MDH1B: variants seen among roughly 807,000 people sequenced by gnomAD.
MDH1B encodes malate dehydrogenase 1B, also known as putative malate dehydrogenase 1B.
MDH1B carries 60 observed loss-of-function variants against 61.4 expected under a neutral mutation model. The ratio of observed to expected loss-of-function variants is 0.98; its 90% CI spans 0.79 to 1.21. MDH1B has a LOEUF of 1.21. Among genes scored for constraint, MDH1B ranks in the 50% most tolerant of loss-of-function variants. The pLI, the probability that MDH1B is intolerant of heterozygous loss-of-function variation, is 0.00. For missense variants in MDH1B, 587 were observed against 632.1 expected (o/e 0.93, Z 0.76); for synonymous variants, 236 against 218.7 (o/e 1.08, Z -0.70).
Position 206,738,254 on chromosome 2 carries a change from T to C in MDH1B, c.*229A>G. 1 of 377,460 alleles carries C rather than the reference T, an allele frequency of 2.6e-6. No individual in the cohort carries two copies. The highest frequency in any genetic ancestry group is 9.3e-5 in the South Asian group (1 of 10,742). The allele number at this position is 377,460 out of a possible 1,614,324, so 23.4% of individuals were successfully genotyped here. Reference sequence around the variant, plus strand: ...AAATAGCATTTGACACCAAAATAGTTCTAAGAAAATGCAATTATTATGAAA... The same window carrying C: ...AAATAGCATTTGACACCAAAATAGTCCTAAGAAAATGCAATTATTATGAAA... On this transcript the variant is annotated 3_prime_UTR_variant, in exon 12 of 12. Coordinates refer to ENST00000374412, the MANE Select transcript of MDH1B (RefSeq NM_001039845.3).
intron 9 of MDH1B, among the ~76,000 whole-genome samples, chr2:206,742,436 T>C (rs1429485281): frequency 6.6e-6 from 1 of 152,182 alleles, no homozygotes; most frequent in Non-Finnish European, 1.5e-5. Flanking sequence ...CCATACCCAG[T>C]AGTGGCAACA....
intron 2 of MDH1B, among the ~76,000 whole-genome samples, chr2:206,759,926 A>G (rs1330996114): frequency 1.3e-5 from 2 of 152,214 alleles, no homozygotes; most frequent in Admixed American, 6.5e-5. Flanking sequence ...GGTAGAGAAG[A>G]GAGGGAGAGA....
chr2:206,757,244 T>C lies in MDH1B; in HGVS notation c.263A>G (p.His88Arg), dbSNP rs758859297. 2.9e-5 allele frequency: 47 copies of C among 1,613,040 alleles called. No individual in the cohort carries two copies. The highest frequency in any genetic ancestry group is 4.0e-5 in the Non-Finnish European group (47 of 1,179,582). ...ATAAGTTAACTTATATACCTGAGCATGCTCCAGGAACTCATTATATCCTCC... is the reference window on the plus strand; with the variant it reads ...ATAAGTTAACTTATATACCTGAGCACGCTCCAGGAACTCATTATATCCTCC... ...LLGGYNEFLE[H>R]AQLYYDVTSS... Residue 88 changes from histidine to arginine, a missense_variant, in exon 3 of 12, where the codon CAT (histidine) becomes CGT (arginine). His to Arg is a conservative substitution (Grantham distance 29, BLOSUM62 0). Coordinates refer to ENST00000374412, the MANE Select transcript of MDH1B (RefSeq NM_001039845.3).
chr2:206,758,914 T>C (rs1421325105), intron 2 of MDH1B, among the ~76,000 whole-genome samples: 1 of 151,506 alleles, frequency 6.6e-6, no homozygotes, highest in East Asian at 1.9e-4. Context: ...GGGGTCCTGG[T>C]GTCACTGAGG....
Position 206,749,169 on chromosome 2 carries a change from C to A in MDH1B, c.1067G>T (p.Arg356Ile), listed in dbSNP as rs1347394619. Residue 356 changes from arginine (R) to isoleucine (I), a missense_variant, in exon 7 of 12, where the codon AGA (arginine) becomes ATA (isoleucine). Arg to Ile is a moderately conservative substitution (Grantham distance 97). Coordinates refer to ENST00000374412, the MANE Select transcript of MDH1B (RefSeq NM_001039845.3). ...GTTTTTAAGAATTGCCACAAATTCT[C>A]TTTTTACCCACTCACTGTAAGGAGA... is the stretch of plus-strand genomic sequence containing the variant. ...NLIFDSEWVK[R>I]EFVAILKNLT... 1 of 1,614,024 alleles carries A rather than the reference C, an allele frequency of 6.2e-7. No homozygotes were observed. The highest frequency in any genetic ancestry group is 1.1e-5 in the South Asian group (1 of 91,062).
chr2:206,738,649 C>T (rs193070096), intron 11 of MDH1B, 138 bp from the exon 12 acceptor site: 1 of 549,044 alleles, frequency 1.8e-6, no homozygotes, highest in Non-Finnish European at 3.2e-6. Context: ...GAGAGTGATT[C>T]TATGGGGAAA....
At chr2:206,738,645 G>T in intron 11 of MDH1B, 134 bp from the exon 12 acceptor site, 2 of 549,102 alleles carry the variant, frequency 3.6e-6, no homozygotes, top group Non-Finnish European at 3.2e-6. Context: ...GTGTGAGAGT[G>T]ATTCTATGGG....
intron 8 of MDH1B, 75 bp downstream of exon 8, chr2:206,746,212 T>A: frequency 7.7e-7 from 1 of 1,300,712 alleles, no homozygotes; most frequent in Non-Finnish European, 1.0e-6. Context: ...GAAAAACCAA[T>A]GTATGCCTTG....
At chr2:206,763,206 G>T (rs760865022) in intron 1 of MDH1B, among the ~76,000 whole-genome samples, 2 of 148,806 alleles carry the variant, frequency 1.3e-5, no homozygotes, top group Non-Finnish European at 3.0e-5. Flanking sequence ...TCTAAGAGTA[G>T]TAAGAGTATC....
Position 206,755,545 on chromosome 2 carries a change from C to A in MDH1B, c.414-40G>T, listed in dbSNP as rs778400206. The A allele has an allele frequency of 8.9e-6, 14 of 1,566,164 alleles. No homozygotes were observed. The South Asian group carries it at 1.7e-4, about 19-fold the overall frequency. ...AAGCCGCATTGTGAATAGTTATATC[C>A]TTTGTCCCTTTTAAGCCTTTATTCT... is the stretch of plus-strand genomic sequence containing the variant. On this transcript the variant is annotated intron_variant, in intron 4 of 11. Transcript: ENST00000374412.
At chr2:206,741,135 A>G (rs1377511714) in intron 9 of MDH1B, 31 bp from the exon 10 acceptor site, 2 of 1,611,580 alleles carry the variant, frequency 1.2e-6, no homozygotes, top group Non-Finnish European at 1.7e-6. Context: ...AACATGCTGG[A>G]TTTAGAATAT....
intron 2 of MDH1B, among the ~76,000 whole-genome samples, chr2:206,760,412 C>A (rs1689021785): frequency 6.6e-6 from 1 of 152,098 alleles, no homozygotes; most frequent in Non-Finnish European, 1.5e-5. Flanking sequence ...TCCGCTGAGC[C>A]CTCTGTTGCA....
chr2:206,755,925 T>G (rs1047768377), intron 4 of MDH1B, among the ~76,000 whole-genome samples: 2 of 152,170 alleles, frequency 1.3e-5, no homozygotes, highest in Non-Finnish European at 2.9e-5. Context: ...CTTTTTTTTT[T>G]TTTTTGGAAA....
At chr2:206,756,751 G>A (rs1414580591) in intron 4 of MDH1B, 147 bp downstream of exon 4, 5 of 704,350 alleles carry the variant, frequency 7.1e-6, no homozygotes, top group Admixed American at 5.6e-5. Context: ...AGATGCATAT[G>A]TATATGTGTA....
chr2:206,754,094 T>C (rs1476742070), intron 5 of MDH1B, among the ~76,000 whole-genome samples: 2 of 152,230 alleles, frequency 1.3e-5, no homozygotes, highest in Admixed American at 6.5e-5. Context: ...TAAAGATATG[T>C]ATGCAAGAAT....
rs778675037 is a variant in MDH1B, at chr2:206,755,166, GAC to G, written c.751_752del (p.Val251GlnfsTer38). The G allele has an allele frequency of 1.2e-6, 2 of 1,614,072 alleles. No homozygotes were observed. Among genetic ancestry groups the G allele is most frequent in the African/African-American group, 2.7e-5 (2 of 74,920 alleles). ...AGGTTCTCCCTCCCACGATGACTCTGACAGACTCATGAGCATTTTTCTCTATC... is the reference window on the plus strand; with the variant it reads ...AGGTTCTCCCTCCCACGATGACTCTGAGACTCATGAGCATTTTTCTCTATC... Reference protein sequence around the residue: ...YLIEKNAHESVRVIVGGRTFV... With the variant: ...YLIEKNAHESXRVIVGGRTFV... On this transcript the variant is annotated frameshift_variant, in exon 5 of 12. Coordinates refer to ENST00000374412, the MANE Select transcript of MDH1B (RefSeq NM_001039845.3). LOFTEE classifies it high-confidence loss of function.
chr2:206,763,178 T>G (rs1249447502), intron 1 of MDH1B, among the ~76,000 whole-genome samples: 1 of 151,962 alleles, frequency 6.6e-6, no homozygotes, highest in Non-Finnish European at 1.5e-5. Flanking sequence ...ATATTTATTA[T>G]GTCCATCTCC....
chr2:206,744,655 G>T (rs1687992225), intron 9 of MDH1B, among the ~76,000 whole-genome samples: 1 of 152,108 alleles, frequency 6.6e-6, no homozygotes, highest in African/African-American at 2.4e-5. Context: ...GGCCAGGCAT[G>T]GTGGCTCATG....
In MDH1B at chr2:206,738,505, T is replaced by G; in HGVS notation, c.1535A>C (p.Glu512Ala). 1 of 1,585,364 alleles carries G rather than the reference T, an allele frequency of 6.3e-7. No individual in the cohort carries two copies. Among genetic ancestry groups the G allele is most frequent in the Non-Finnish European group, 8.6e-7 (1 of 1,160,212 alleles). ...CTGTTAGGATTCCACGGTTTTGCCT[T>G]CAAATTCTGTAAAAGGAAAAGAATG... ...PQSLEFLNEF[E>A]GKTVES The change falls in exon 12 of 12, where the codon GAA becomes GCA. Residue 512 changes from glutamate (E) to alanine (A), a missense_variant. Coordinates refer to ENST00000374412, the MANE Select transcript of MDH1B (RefSeq NM_001039845.3).
Sources: allele counts gnomAD v4.1 joint callset (sites outside exome capture counted in the v4.1 genomes callset), GRCh38; gene constraint gnomAD v4.1.1; transcripts MANE v1.5; gene names NCBI Gene and HGNC (gene_info 2026-07-23, HGNC 2026-07-21).